Variants in XPR1 observed in about 807,000 individuals in gnomAD.
The protein encoded by XPR1 is xenotropic and polytropic retrovirus receptor 1, also known as solute carrier family 53 member 1.
A neutral mutation model predicts 87.5 loss-of-function variants in XPR1; 28 were observed. The ratio of observed to expected loss-of-function variants is 0.32; its 90% CI spans 0.24 to 0.44. The LOEUF is 0.44. Among genes scored for constraint, XPR1 ranks in the 20% least tolerant of loss-of-function variants. The pLI is 1.00. For synonymous variants in XPR1, 300 were observed against 306.1 expected (o/e 0.98, Z 0.21); for missense variants, 559 against 862.3 (o/e 0.65, Z 4.41).
Position 180,863,752 on chromosome 1 carries a change from G to T in XPR1, c.1546G>T (p.Val516Phe). 1.2e-6 allele frequency: 2 copies of T among 1,607,692 alleles called. No homozygotes were observed. The highest frequency in any genetic ancestry group is 1.7e-6 in the Non-Finnish European group (2 of 1,177,402). ...TATGGTGTTCTTTTACCTGTGGATT[G>T]TCTTTTATATCATCAGTTCCTGCTA... Reference protein sequence around the residue: ...DTMVFFYLWIVFYIISSCYTL... With the variant: ...DTMVFFYLWIFFYIISSCYTL... Residue 516 changes from valine to phenylalanine, a missense_variant, in exon 12 of 15, where the codon GTC (valine) becomes TTC (phenylalanine). This residue lies in a region of XPR1 where 264 missense variants were observed against 377.2 expected (regional missense o/e 0.70). Transcript: ENST00000367590.
intron 7 of XPR1, among the ~76,000 whole-genome samples, chr1:180,819,337 T>G (rs1182013608): frequency 6.6e-6 from 1 of 152,216 alleles, no homozygotes; most frequent in Non-Finnish European, 1.5e-5. Flanking sequence ...TTAGCATTTA[T>G]TGTTTTACAG....
intron 11 of XPR1, among the ~76,000 whole-genome samples, chr1:180,840,471 A>G (rs978960754): frequency 2.0e-5 from 3 of 151,232 alleles, no homozygotes; most frequent in African/African-American, 7.3e-5. Flanking sequence ...GATCCTCTTC[A>G]TACCCTAATT....
intron 9 of XPR1, 90 bp downstream of exon 9, chr1:180,825,434 AC>A: frequency 7.6e-7 from 1 of 1,322,866 alleles, no homozygotes; most frequent in East Asian, 2.4e-5. Flanking sequence ...AGGTTGTACA[AC>A]TGCAGAGGCC....
At chr1:180,801,469 G>T (rs1649782401) in intron 3 of XPR1, among the ~76,000 whole-genome samples, 1 of 152,108 alleles carries the variant, frequency 6.6e-6, no homozygotes, top group East Asian at 1.9e-4. Context: ...TACAGTCTTA[G>T]ATCATAGGAA....
At chr1:180,749,206 A>G (rs906733069) in intron 2 of XPR1, among the ~76,000 whole-genome samples, 1 of 152,260 alleles carries the variant, frequency 6.6e-6, no homozygotes, top group African/African-American at 2.4e-5. Flanking sequence ...GTCTAAAAAA[A>G]TAGAAGAAAA....
At chr1:180,679,200 A>C (rs1458199936) in intron 1 of XPR1, among the ~76,000 whole-genome samples, 1 of 151,616 alleles carries the variant, frequency 6.6e-6, no homozygotes, top group East Asian at 2.0e-4. Context: ...ATCTCAAAAA[A>C]CAAAAAAACA....
chr1:180,668,877 G>T (rs1285099884), intron 1 of XPR1, among the ~76,000 whole-genome samples: 1 of 152,022 alleles, frequency 6.6e-6, no homozygotes, highest in Non-Finnish European at 1.5e-5. Flanking sequence ...ATCACTTGAG[G>T]TCAGGAGTTC....
At chr1:180,652,271 G>T (rs1437592240) in intron 1 of XPR1, among the ~76,000 whole-genome samples, 2 of 151,948 alleles carry the variant, frequency 1.3e-5, no homozygotes, top group Non-Finnish European at 1.5e-5. Flanking sequence ...CAGCCTAGGA[G>T]ACAGAGAGCA....
At chr1:180,759,331 G>A (rs554721529) in intron 2 of XPR1, among the ~76,000 whole-genome samples, 1 of 152,234 alleles carries the variant, frequency 6.6e-6, no homozygotes, top group East Asian at 1.9e-4. Flanking sequence ...CCAGGAGCTG[G>A]TTTTTTGAAA....
intron 1 of XPR1, among the ~76,000 whole-genome samples, chr1:180,674,222 T>A (rs1196719259): frequency 6.6e-6 from 1 of 152,172 alleles, no homozygotes; most frequent in Non-Finnish European, 1.5e-5. Flanking sequence ...AAGTTAATTT[T>A]CCCAAGGTTA....
intron 2 of XPR1, among the ~76,000 whole-genome samples, chr1:180,784,070 G>A (rs1558006515): frequency 3.3e-5 from 5 of 151,670 alleles, no homozygotes; most frequent in African/African-American, 1.2e-4. Context: ...AAAACAAATG[G>A]TGAATGAATA....
chr1:180,811,745 G>T (rs1311205682), intron 7 of XPR1, among the ~76,000 whole-genome samples: 1 of 151,864 alleles, frequency 6.6e-6, no homozygotes, highest in Non-Finnish European at 1.5e-5. Context: ...TCCAGTTTCT[G>T]TATATAACTT....
In XPR1 at chr1:180,660,806, A is replaced by G. The variant is rs546001791; in HGVS notation, c.70-21554A>G. ...GAGAATGATCCATGTGCTGAGAAGAAGAATGTGTATTCTGCAGCCATTGGA... is the reference window on the plus strand; with the variant it reads ...GAGAATGATCCATGTGCTGAGAAGAGGAATGTGTATTCTGCAGCCATTGGA... On this transcript the variant is annotated intron_variant, in intron 1 of 14. Coordinates refer to ENST00000367590, the MANE Select transcript of XPR1 (RefSeq NM_004736.4). Among the ~76,000 whole-genome samples, 6 of 152,358 alleles carry G rather than the reference A, an allele frequency of 3.9e-5. No individual in the cohort carries two copies. The South Asian group carries it at 1.0e-3, about 26-fold the overall frequency.
intron 13 of XPR1, among the ~76,000 whole-genome samples, chr1:180,876,722 T>C (rs1042435184): frequency 4.0e-5 from 6 of 151,782 alleles, no homozygotes; most frequent in African/African-American, 1.5e-4. Flanking sequence ...GAAAAGGCCA[T>C]TGATAAAAGT....
chr1:180,830,761 C>G (rs982216754), intron 9 of XPR1, among the ~76,000 whole-genome samples: 1 of 152,146 alleles, frequency 6.6e-6, no homozygotes, highest in African/African-American at 2.4e-5. Flanking sequence ...CAGCGCTTAT[C>G]AAGACAATCT....
chr1:180,837,900 A>G (rs1651358687), intron 11 of XPR1, among the ~76,000 whole-genome samples: 1 of 152,202 alleles, frequency 6.6e-6, no homozygotes. Context: ...ACTAAGTTAT[A>G]AAGAACCCTT....
chr1:180,704,947 T>G (rs1326179088), intron 2 of XPR1, among the ~76,000 whole-genome samples: 1 of 148,980 alleles, frequency 6.7e-6, no homozygotes, highest in African/African-American at 2.5e-5. Flanking sequence ...TTCTGTTTCA[T>G]GGAACAGAAA....
In XPR1 at chr1:180,803,419, T is replaced by C; in HGVS notation, c.255T>C (p.Ala85=). 6.2e-7 allele frequency: 1 copy of C among 1,614,054 alleles called. No homozygotes were observed. Among genetic ancestry groups the C allele is most frequent in the Non-Finnish European group, 8.5e-7 (1 of 1,179,986 alleles). Residue 85 remains alanine (A), a synonymous_variant, in exon 4 of 15, where the codon GCT becomes GCC. Coordinates refer to ENST00000367590, the MANE Select transcript of XPR1 (RefSeq NM_004736.4). ...EKLAEAQRRF[A]TLQNELQSSL... The stretch of plus-strand genomic sequence containing the variant: ...TCGCAGAGGCTCAGCGCAGGTTTGC[T>C]ACACTTCAGAATGAGCTTCAGTCAT...
intron 3 of XPR1, among the ~76,000 whole-genome samples, chr1:180,796,088 G>A (rs1234306437): frequency 1.3e-5 from 2 of 152,112 alleles, no homozygotes; most frequent in African/African-American, 2.4e-5. Context: ...GATTACAGGC[G>A]TGAGCGACTG....
Sources: allele counts gnomAD v4.1 joint callset (sites outside exome capture counted in the v4.1 genomes callset), GRCh38; gene constraint gnomAD v4.1.1; regional missense constraint gnomAD v4.1.1; transcripts MANE v1.5; gene names NCBI Gene and HGNC (gene_info 2026-07-23, HGNC 2026-07-21).